Variants in SETD1B observed in about 807,000 individuals in gnomAD.
SETD1B encodes the protein histone-lysine N-methyltransferase SETD1B.
A neutral mutation model predicts 148.0 loss-of-function variants in SETD1B; 7 were observed. The ratio of observed to expected loss-of-function variants is 0.05; its 90% CI spans 0.03 to 0.09. The LOEUF is 0.09. Ranked by LOEUF, SETD1B falls within the 10% of genes least tolerant of loss-of-function variation. The probability of loss-of-function intolerance (pLI) is 1.00; values close to 1 mark genes in which losing one functional copy is unlikely to be tolerated. For missense variants in SETD1B, 2,155 were observed against 2,729.9 expected, an observed-to-expected ratio of 0.79 and a Z score of 4.69; for synonymous variants, 1,361 against 1,186.5, an observed-to-expected ratio of 1.15 and a Z score of -3.02.
At chr12:121,793,702 C>T in the SETD1B span, 22 of 1,364,550 alleles carry the variant, frequency 1.6e-5, no homozygotes, top group South Asian at 3.1e-5. Context: ...GGGGGCGGGG[C>T]GGGGCCGGAA....
intron 4 of SETD1B, 136 bp downstream of exon 4, chr12:121,806,241 C>T (rs1036150086): frequency 6.2e-5 from 60 of 963,346 alleles, no homozygotes; most frequent in Non-Finnish European, 8.5e-5. Context: ...TCTTAGCCCC[C>T]TCCTGAGGGT....
chr12:121,819,319 A>G (rs1876451366), intron 10 of SETD1B, 85 bp from the exon 11 acceptor site: 2 of 1,526,980 alleles, frequency 1.3e-6, no homozygotes, highest in Non-Finnish European at 8.8e-7. Context: ...GGGTGCCACC[A>G]GTTTGAGGCC....
Position 121,822,534 on chromosome 12 carries a change from T to C in SETD1B, c.3955T>C (p.Leu1319=). ...VEPEPPMMLP[L]PLQPPLPPPR... is the part of the protein sequence containing the mutation. ...GCCGGAGCCCCCTATGATGCTCCCCTTGCCGCTGCAACCACCATTGCCGCC... is the reference window on the plus strand; with the variant it reads ...GCCGGAGCCCCCTATGATGCTCCCCCTGCCGCTGCAACCACCATTGCCGCC... The change falls in exon 12 of 17, where the codon TTG becomes CTG. Residue 1319 remains leucine, a synonymous_variant. Coordinates refer to ENST00000604567, the MANE Select transcript of SETD1B (RefSeq NM_001353345.2). 6.4e-7 allele frequency: 1 copy of C among 1,550,774 alleles called. No homozygotes were observed. Among genetic ancestry groups the C allele is most frequent in the Non-Finnish European group, 8.7e-7 (1 of 1,146,462 alleles).
Position 121,812,462 on chromosome 12 carries a change from A to G in SETD1B, c.1890+1627A>G, listed in dbSNP as rs372962009. 4.0e-5 allele frequency among the ~76,000 whole-genome samples: 6 copies of G among 150,614 alleles called. No homozygotes were observed. The South Asian group carries it at 6.2e-4, about 16-fold the overall frequency. ...GACCTCAGCTTAAGTGAGGTGCCGC[A>G]CAGGATGCTCCCGGCACCGCCAGGC... On this transcript the variant is annotated intron_variant, in intron 6 of 16. Coordinates refer to ENST00000604567, the MANE Select transcript of SETD1B (RefSeq NM_001353345.2).
At chr12:121,829,452 C>T (rs1876991715) in intron 16 of SETD1B, among the ~76,000 whole-genome samples, 1 of 152,174 alleles carries the variant, frequency 6.6e-6, no homozygotes, top group Non-Finnish European at 1.5e-5. Context: ...GTGTGTGGTG[C>T]AGCGGCTGCC....
At chr12:121,794,586 C>T in the SETD1B span, among the ~76,000 whole-genome samples, 71 of 152,204 alleles carry the variant, frequency 4.7e-4, no homozygotes, top group Non-Finnish European at 9.8e-4. Flanking sequence ...GCCACATGTC[C>T]TTCATCCCAG....
At chr12:121,819,945 C>T in intron 11 of SETD1B, 50 bp downstream of exon 11, 1 of 1,466,510 alleles carries the variant, frequency 6.8e-7, no homozygotes, top group Non-Finnish European at 9.2e-7. Context: ...GCAGGAAGTC[C>T]TCACTGTCAG....
rs936156524 is a variant in SETD1B at position 121,815,520 on chromosome 12, G to GT, written c.2715+597dup. On this transcript the variant is annotated intron_variant, in intron 7 of 16. Transcript: ENST00000604567. ...CTTGGACCACTTTTTTCCTTTTTTT[G>GT]TTTTTTTGAGACAGGGTCTCGCTGT... 1.6e-4 allele frequency among the ~76,000 whole-genome samples: 24 copies of GT among 150,714 alleles called. No homozygotes were observed. In the South Asian group the frequency reaches 2.9e-3, roughly 19 times the overall value.
rs1198120932 is a variant in SETD1B at position 121,805,363 on chromosome 12, G to A, written c.273+147G>A. The A allele has an allele frequency of 1.5e-5, 10 of 661,568 alleles. No individual in the cohort carries two copies. Among genetic ancestry groups the A allele is most frequent in the Non-Finnish European group, 2.4e-5 (9 of 373,540 alleles). 41.0% of individuals were successfully genotyped at this position (661,568 alleles called of 1,614,324 possible). A position where few individuals can be genotyped will look rare whatever the true frequency, so the allele number is the denominator to read the frequency against. Reference sequence around the variant, plus strand: ...TGGCGGGGAGGGGTAGAGCGCTGGCGAGAGGGTGTCCCCTCTCAGCTACTG... The same window carrying A: ...TGGCGGGGAGGGGTAGAGCGCTGGCAAGAGGGTGTCCCCTCTCAGCTACTG... On this transcript the variant is annotated intron_variant, in intron 3 of 16. Coordinates refer to ENST00000604567, the MANE Select transcript of SETD1B (RefSeq NM_001353345.2). The surrounding 1 kb of genome is among the most constrained non-coding windows in gnomAD (Gnocchi z 4.2).
chr12:121,827,875 T>G, intron 15 of SETD1B, 21 bp downstream of exon 15: 2 of 1,553,710 alleles, frequency 1.3e-6, no homozygotes, highest in Non-Finnish European at 1.7e-6. Context: ...CCCGGCAGGA[T>G]GGGCACCGGG....
rs1329829260 is a variant in SETD1B, at chr12:121,816,803, AGGT to A, written c.2716-229_2716-227del. On this transcript the variant is annotated intron_variant, in intron 7 of 16. Coordinates refer to ENST00000604567, the MANE Select transcript of SETD1B (RefSeq NM_001353345.2). ...CAAAGGCCACTGTTGTAAGGAAGGCAGGTACAGTAGTCCTATTCTACAGGGGAG... is the reference window on the plus strand; with the variant it reads ...CAAAGGCCACTGTTGTAAGGAAGGCAACAGTAGTCCTATTCTACAGGGGAG... Among the ~76,000 whole-genome samples, 88 of 152,378 alleles carry A rather than the reference AGGT, an allele frequency of 5.8e-4. 1 individual carries two copies. Among genetic ancestry groups the A allele is most frequent in the African/African-American group, 2.0e-3 (83 of 41,598 alleles).
At chr12:121,828,578 T>C (rs1023067057) in intron 16 of SETD1B, among the ~76,000 whole-genome samples, 5 of 152,206 alleles carry the variant, frequency 3.3e-5, no homozygotes, top group Non-Finnish European at 4.4e-5. Flanking sequence ...CTTAATTAGC[T>C]TGTGACGACT....
chr12:121,823,647 G>A lies in SETD1B; in HGVS notation c.5068G>A (p.Asp1690Asn), dbSNP rs1437559519. 6.4e-7 allele frequency: 1 copy of A among 1,551,576 alleles called. No individual in the cohort carries two copies. Among genetic ancestry groups the A allele is most frequent in the Non-Finnish European group, 8.7e-7 (1 of 1,146,978 alleles). ...GTATGACATCTGGAACGGTGGCATC[G>A]ATGAGGAGGACATCCGCTTCCTGTG... ...ILYDIWNGGI[D>N]EEDIRFLCVT... is the part of the protein sequence containing the mutation. Residue 1690 changes from aspartate to asparagine, a missense_variant, in exon 12 of 17, where the codon GAT (aspartate) becomes AAT (asparagine). Physicochemically the swap from Asp to Asn is conservative, Grantham distance 23. Around this residue, in one of 11 missense-constraint regions of SETD1B, gnomAD observed 96 missense variants for 148.7 expected, o/e 0.65. Transcript: ENST00000604567.
chr12:121,809,830 A>G lies in SETD1B; in HGVS notation c.885A>G (p.Thr295=), dbSNP rs367859368. 1.3e-6 allele frequency: 2 copies of G among 1,551,098 alleles called. No individual in the cohort carries two copies. The highest frequency in any genetic ancestry group is 2.7e-5 in the African/African-American group (2 of 73,012). The part of the protein sequence containing the change: ...QDSSYSSRQP[T]PSYLFSQDPA... ...CCAGCTACTCCAGCCGCCAGCCCAC[A>G]CCCTCATACCTCTTCAGCCAGGACC... The change falls in exon 6 of 17, where the codon ACA becomes ACG. Residue 295 remains threonine (T), a synonymous_variant. Transcript: ENST00000604567.
intron 12 of SETD1B, among the ~76,000 whole-genome samples, chr12:121,824,653 A>G (rs1016604758): frequency 6.6e-6 from 1 of 151,902 alleles, no homozygotes; most frequent in African/African-American, 2.4e-5. Flanking sequence ...TCTCAAAAAA[A>G]AAAAAAAACT....
At chr12:121,819,192 C>T (rs530867868) in intron 10 of SETD1B, among the ~76,000 whole-genome samples, 5 of 151,926 alleles carry the variant, frequency 3.3e-5, no homozygotes, top group Non-Finnish European at 7.4e-5. Flanking sequence ...TGCAGTGAGC[C>T]GAGATCGTGC....
Position 121,817,809 on chromosome 12 carries a change from A to T in SETD1B, c.3323A>T (p.Asp1108Val). The T allele has an allele frequency of 6.5e-7, 1 of 1,550,286 alleles. No homozygotes were observed. Among genetic ancestry groups the T allele is most frequent in the Non-Finnish European group, 8.7e-7 (1 of 1,146,228 alleles). The change falls in exon 10 of 17, where the codon GAT becomes GTT. Residue 1108 changes from aspartate (D) to valine (V), a missense_variant. Transcript: ENST00000604567. This position sits in a 1 kb window ranked among gnomAD's most constrained non-coding sequence, Gnocchi z 8.1. ...TSSTSDKDDD[D>V]DDSDDRDESE... ...TTCCTTCTCCCCCAGGATGACGACG[A>T]TGACGACAGTGATGACCGGGACGAG...
chr12:121,819,981 A>G, intron 11 of SETD1B, 86 bp downstream of exon 11: 2 of 1,152,856 alleles, frequency 1.7e-6, no homozygotes, highest in Non-Finnish European at 2.4e-6. Flanking sequence ...CCTGGGGTAG[A>G]TCGCTGACCG....
Position 121,826,715 on chromosome 12 carries a change from C to T in SETD1B, c.5338-804C>T, listed in dbSNP as rs116992725. Among the ~76,000 whole-genome samples, 1,418 of 152,096 alleles carry T rather than the reference C, an allele frequency of 9.3e-3. 18 individuals are homozygous for T. Among genetic ancestry groups the T allele is most frequent in the Middle Eastern group, 0.034 (10 of 294 alleles). On this transcript the variant is annotated intron_variant, in intron 13 of 16. Transcript: ENST00000604567. ...GTTCGGGTTGCTGCGGTTTCCAGAC[C>T]GGATGTGCCGGACTTAGCTGGGCCG...
Sources: allele counts gnomAD v4.1 joint callset (sites outside exome capture counted in the v4.1 genomes callset), GRCh38; gene constraint gnomAD v4.1.1; regional missense constraint gnomAD v4.1.1; non-coding constraint Gnocchi (gnomAD v3.1); transcripts MANE v1.5; gene names NCBI Gene and HGNC (gene_info 2026-07-23, HGNC 2026-07-21).